Variants in BRWD1 observed in about 807,000 individuals in gnomAD.
The protein encoded by BRWD1 is bromodomain and WD repeat domain containing 1.
A neutral mutation model predicts 251.2 loss-of-function variants in BRWD1; 82 were observed. The observed-to-expected ratio is 0.33, with a 90% CI of 0.27 to 0.39. The LOEUF (loss-of-function observed/expected upper bound fraction) is 0.39, where lower values mean the gene tolerates loss of function less well. Ranked by LOEUF, BRWD1 falls within the 10% of genes least tolerant of loss-of-function variation. BRWD1 has a pLI of 1.00. For synonymous variants in BRWD1, 918 were observed against 902.8 expected (o/e 1.02, Z -0.30); for missense variants, 2,233 against 2,711.6 (o/e 0.82, Z 3.92).
chr21:39,191,855 T>C lies in BRWD1; in HGVS notation c.*4404A>G. 1.0e-6 allele frequency: 1 copy of C among 984,902 alleles called. No individual in the cohort carries two copies. Among genetic ancestry groups the C allele is most frequent in the Non-Finnish European group, 1.2e-6 (1 of 829,512 alleles). 61.0% of individuals were successfully genotyped at this position (984,902 alleles called of 1,614,324 possible). ...AAGGGCTTTAATAAATGAAAAAACT[T>C]ACCTTAAAACTGACATAACTAAAAT... On this transcript the variant is annotated 3_prime_UTR_variant, in exon 41 of 41. Coordinates refer to ENST00000342449, the MANE Select transcript of BRWD1 (RefSeq NM_033656.4).
intron 4 of BRWD1, among the ~76,000 whole-genome samples, chr21:39,304,611 C>CTGGAAT (rs2036225976): frequency 2.3e-5 from 1 of 42,912 alleles, no homozygotes; most frequent in Non-Finnish European, 4.8e-5. Flanking sequence ...GAGAACTTGT[C>CTGGAAT]TGGAAAACAA....
chr21:39,213,386 TACAA>T, intron 33 of BRWD1, 91 bp downstream of exon 33: 1 of 994,712 alleles, frequency 1.0e-6, no homozygotes, highest in Non-Finnish European at 1.6e-6. Context: ...ATTGGACTAC[TACAA>T]GAGTTGGTAC....
At chr21:39,262,211 T>C (rs944436022) in intron 17 of BRWD1, among the ~76,000 whole-genome samples, 2 of 152,196 alleles carry the variant, frequency 1.3e-5, no homozygotes, top group South Asian at 4.1e-4. Flanking sequence ...AAATTCCACG[T>C]GACAGTTGGA....
At chr21:39,314,712 T>C (rs1221641446), upstream of BRWD1, 7 of 254,280 alleles carry the variant, frequency 2.8e-5, no homozygotes, top group Admixed American at 3.1e-4. Flanking sequence ...ACAATTCTGA[T>C]TCTTACTCAT....
At position 39,229,308 on chromosome 21, in the gene BRWD1, A is replaced by T; in HGVS notation, c.3125+4T>A. 2 of 1,587,256 alleles carry T rather than the reference A, an allele frequency of 1.3e-6. No individual in the cohort carries two copies. Among genetic ancestry groups the T allele is most frequent in the Non-Finnish European group, 1.7e-6 (2 of 1,159,760 alleles). On this transcript the variant is annotated splice_donor_region_variant and intron_variant, in intron 26 of 40. Coordinates refer to ENST00000342449, the MANE Select transcript of BRWD1 (RefSeq NM_033656.4). ...GTAATTCCATTTTAAAAAATAATACATACCTAATAGAGAAAGATTTGTCCA... is the reference window on the plus strand; with the variant it reads ...GTAATTCCATTTTAAAAAATAATACTTACCTAATAGAGAAAGATTTGTCCA...
Position 39,196,417 on chromosome 21 carries a change from T to C in BRWD1, c.6652A>G (p.Asn2218Asp). The stretch of plus-strand genomic sequence containing the variant: ...GCATAGTCCAAATCCTCCCAGTCAT[T>C]ATCATCCACACTTAACCTAGGGCGT... ...SKRPRLSVDD[N>D]DWEDLDYAKS... The change falls in exon 41 of 41, where the codon AAT becomes GAT. Residue 2218 changes from asparagine to aspartate, a missense_variant. Around this residue, in one of 12 missense-constraint regions of BRWD1, gnomAD observed 928 missense variants for 970.0 expected, o/e 0.96. Coordinates refer to ENST00000342449, the MANE Select transcript of BRWD1 (RefSeq NM_033656.4). 1 of 1,613,824 alleles carries C rather than the reference T, an allele frequency of 6.2e-7. No homozygotes were observed. The highest frequency in any genetic ancestry group is 8.5e-7 in the Non-Finnish European group (1 of 1,179,768).
intron 12 of BRWD1, among the ~76,000 whole-genome samples, chr21:39,275,673 A>G (rs2035257680): frequency 6.6e-6 from 1 of 152,352 alleles, no homozygotes; most frequent in African/African-American, 2.4e-5. Flanking sequence ...CCCACAATGT[A>G]AATATATATT....
At chr21:39,259,476 T>TC (rs1288477587) in intron 17 of BRWD1, among the ~76,000 whole-genome samples, 19 of 152,044 alleles carry the variant, frequency 1.2e-4, no homozygotes, top group Middle Eastern at 3.4e-3. Flanking sequence ...ATTTCTTTTT[T>TC]TTCAGTAGAG....
chr21:39,265,058 A>G (rs747408190), intron 15 of BRWD1, 39 bp from the exon 16 acceptor site: 3 of 1,590,278 alleles, frequency 1.9e-6, no homozygotes, highest in African/African-American at 2.7e-5. Flanking sequence ...GACCAATTCT[A>G]TGCAAGTGAT....
chr21:39,218,324 TG>T, intron 30 of BRWD1, 52 bp from the exon 31 acceptor site: 1 of 1,553,992 alleles, frequency 6.4e-7, no homozygotes, highest in Non-Finnish European at 8.7e-7. Context: ...TGCCTCTAAG[TG>T]GTACTTCTCT....
At chr21:39,197,899 T>A (rs552885123) in intron 40 of BRWD1, among the ~76,000 whole-genome samples, 3 of 152,346 alleles carry the variant, frequency 2.0e-5, no homozygotes, top group East Asian at 3.9e-4. Flanking sequence ...ACCACTGTTA[T>A]GCAGCACATG....
At chr21:39,211,767 A>G (rs1044834857) in intron 34 of BRWD1, among the ~76,000 whole-genome samples, 10 of 152,214 alleles carry the variant, frequency 6.6e-5, no homozygotes, top group Admixed American at 5.2e-4. Context: ...TAATCAAATT[A>G]GAGTATTTTA....
At chr21:39,291,264 A>T (rs2035799233) in intron 8 of BRWD1, among the ~76,000 whole-genome samples, 2 of 152,250 alleles carry the variant, frequency 1.3e-5, no homozygotes, top group African/African-American at 4.8e-5. Flanking sequence ...AGTAATACAC[A>T]GCCTAGGTGA....
intron 4 of BRWD1, among the ~76,000 whole-genome samples, chr21:39,309,037 A>G (rs1336910781): frequency 1.3e-5 from 2 of 151,996 alleles, no homozygotes; most frequent in Non-Finnish European, 2.9e-5. Flanking sequence ...AGCTGGGCAT[A>G]GTGGTGTGCG....
In BRWD1 at chr21:39,187,614, A is replaced by C. The variant is rs2031315363; in HGVS notation, c.*8645T>G. On this transcript the variant is annotated 3_prime_UTR_variant, in exon 41 of 41. Transcript: ENST00000342449. The stretch of plus-strand genomic sequence containing the variant: ...TTACATTTGCTTATCTACAACTATA[A>C]GGATGTCACTTAAAACAGTAGCAGA... 1.0e-6 allele frequency: 1 copy of C among 985,198 alleles called. No homozygotes were observed. The highest frequency in any genetic ancestry group is 4.7e-5 in the South Asian group (1 of 21,296). 61.0% of individuals were successfully genotyped at this position (985,198 alleles called of 1,614,324 possible). A position where few individuals can be genotyped will look rare whatever the true frequency, so the allele number is the denominator to read the frequency against.
intron 9 of BRWD1, among the ~76,000 whole-genome samples, chr21:39,279,377 G>A (rs1454953167): frequency 2.0e-5 from 3 of 151,974 alleles, no homozygotes; most frequent in African/African-American, 4.8e-5. Context: ...GGTGGCTCAC[G>A]CCTGTGATCC....
At chr21:39,285,534 T>C (rs1379161593) in intron 8 of BRWD1, among the ~76,000 whole-genome samples, 1 of 152,200 alleles carries the variant, frequency 6.6e-6, no homozygotes, top group African/African-American at 2.4e-5. Flanking sequence ...ATTACCCTCA[T>C]TTGATCCTTA....
intron 17 of BRWD1, among the ~76,000 whole-genome samples, chr21:39,260,291 T>C (rs921408556): frequency 1.3e-5 from 2 of 151,276 alleles, no homozygotes; most frequent in Non-Finnish European, 3.0e-5. Flanking sequence ...CCTAAGGCTA[T>C]ATAACTTTTC....
intron 6 of BRWD1, 69 bp downstream of exon 6, chr21:39,296,196 C>T (rs2035957980): frequency 2.4e-6 from 3 of 1,272,578 alleles, no homozygotes; most frequent in Admixed American, 2.5e-5. Context: ...TTTAATACAG[C>T]ATTTATAAAG....
Sources: allele counts gnomAD v4.1 joint callset (sites outside exome capture counted in the v4.1 genomes callset), GRCh38; gene constraint gnomAD v4.1.1; regional missense constraint gnomAD v4.1.1; transcripts MANE v1.5; gene names NCBI Gene and HGNC (gene_info 2026-07-23, HGNC 2026-07-21).